Variants in DPP10 observed in about 807,000 individuals in gnomAD.
DPP10 encodes the protein dipeptidyl peptidase like 10, also known as inactive dipeptidyl peptidase 10.
DPP10 carries 33 observed loss-of-function variants against 120.9 expected under a neutral mutation model. The observed-to-expected ratio is 0.27, with a 90% confidence interval of 0.21 to 0.37. The LOEUF is 0.37. DPP10 is among the 10% of genes least tolerant of loss of function. DPP10 has a pLI of 1.00. For missense variants in DPP10, 816 were observed against 942.8 expected (o/e 0.87, Z 1.76); for synonymous variants, 337 against 326.1 (o/e 1.03, Z -0.36).
intron 1 of DPP10, among the ~76,000 whole-genome samples, chr2:115,220,396 T>C (rs978961072): frequency 6.6e-6 from 1 of 151,336 alleles, no homozygotes; most frequent in Non-Finnish European, 1.5e-5. Flanking sequence ...AAAGATACCT[T>C]GAGTTTAATA....
intron 3 of DPP10, among the ~76,000 whole-genome samples, chr2:115,435,290 T>C (rs1262726811): frequency 6.6e-6 from 1 of 151,828 alleles, no homozygotes. Context: ...GCTGTACTAA[T>C]TTACATTCCC....
At chr2:114,661,388 T>C (rs1306577961) in intron 1 of DPP10, among the ~76,000 whole-genome samples, 1 of 152,200 alleles carries the variant, frequency 6.6e-6, no homozygotes, top group Non-Finnish European at 1.5e-5. Context: ...TACATGACAA[T>C]TACTCCACAG....
At chr2:115,472,055 A>C (rs1216286410) in intron 3 of DPP10, among the ~76,000 whole-genome samples, 1 of 152,146 alleles carries the variant, frequency 6.6e-6, no homozygotes, top group Non-Finnish European at 1.5e-5. Context: ...AATTAAAAAA[A>C]TAAAAAAACA....
Position 115,525,954 on chromosome 2 carries a change from G to T in DPP10, c.423G>T (p.Leu141=). ...CACCAGATTTAAAATATGTCCTTCT[G>T]GCATATGATGTCAAACAGGTAAAGG... ...SVSPDLKYVL[L]AYDVKQIFHY... Residue 141 remains leucine (L), a synonymous_variant, in exon 5 of 26, where the codon CTG becomes CTT. Transcript: ENST00000410059. 6.2e-7 allele frequency: 1 copy of T among 1,609,250 alleles called. No homozygotes were observed. Among genetic ancestry groups the T allele is most frequent in the Non-Finnish European group, 8.5e-7 (1 of 1,177,890 alleles).
intron 5 of DPP10, among the ~76,000 whole-genome samples, chr2:115,663,388 T>C (rs2089170055): frequency 6.6e-6 from 1 of 152,188 alleles, no homozygotes; most frequent in Non-Finnish European, 1.5e-5. Context: ...ATTCCATTGT[T>C]TCATGGTATT....
chr2:115,250,501 T>C (rs1004706127), intron 1 of DPP10, among the ~76,000 whole-genome samples: 1 of 152,018 alleles, frequency 6.6e-6, no homozygotes, highest in African/African-American at 2.4e-5. Context: ...GTGGTACATG[T>C]AGGGAATAGG....
chr2:115,772,077 C>T (rs1248414531), intron 13 of DPP10, among the ~76,000 whole-genome samples: 1 of 151,752 alleles, frequency 6.6e-6, no homozygotes, highest in Non-Finnish European at 1.5e-5. Flanking sequence ...GAAAAGAATG[C>T]ATGTGTTTTC....
At chr2:115,090,407 T>C (rs1709145141) in intron 1 of DPP10, among the ~76,000 whole-genome samples, 1 of 152,090 alleles carries the variant, frequency 6.6e-6, no homozygotes, top group African/African-American at 2.4e-5. Flanking sequence ...TTGAAGATGA[T>C]GCTTCAAATA....
intron 1 of DPP10, among the ~76,000 whole-genome samples, chr2:114,530,223 G>A (rs1487511680): frequency 6.6e-6 from 1 of 152,102 alleles, no homozygotes; most frequent in Non-Finnish European, 1.5e-5. Flanking sequence ...ATAAGTTCCA[G>A]TGTGTGTGGA....
intron 1 of DPP10, among the ~76,000 whole-genome samples, chr2:114,466,816 G>A (rs769273906): frequency 2.0e-5 from 3 of 152,128 alleles, no homozygotes; most frequent in Non-Finnish European, 4.4e-5. Context: ...GGCTGAGGTG[G>A]GTGGGTCGCT....
At chr2:114,817,657 A>G (rs1255855996) in intron 1 of DPP10, among the ~76,000 whole-genome samples, 1 of 152,162 alleles carries the variant, frequency 6.6e-6, no homozygotes, top group Admixed American at 6.6e-5. Context: ...TGGTGTATGC[A>G]ATTCATGGGA....
intron 19 of DPP10, among the ~76,000 whole-genome samples, chr2:115,813,330 G>A (rs186089523): frequency 9.2e-5 from 14 of 152,262 alleles, no homozygotes; most frequent in Non-Finnish European, 1.8e-4. Flanking sequence ...GGTTATTTCT[G>A]AGGGCTCTCC....
At chr2:115,005,261 T>C (rs960912417) in intron 1 of DPP10, among the ~76,000 whole-genome samples, 1 of 152,042 alleles carries the variant, frequency 6.6e-6, no homozygotes, top group Non-Finnish European at 1.5e-5. Flanking sequence ...ACCACAAAGA[T>C]GGGGAAAAAA....
Position 114,537,631 on chromosome 2 carries a change from G to A in DPP10, c.60+94793G>A, listed in dbSNP as rs183294976. Among the ~76,000 whole-genome samples, 253 of 152,296 alleles carry A rather than the reference G, an allele frequency of 1.7e-3. 2 individuals are homozygous for A. Among genetic ancestry groups the A allele is most frequent in the Non-Finnish European group, 2.8e-3 (192 of 68,026 alleles). On this transcript the variant is annotated intron_variant, in intron 1 of 25. Transcript: ENST00000410059. ...TTCTCAAAGGCATCTATGGGGCAGA[G>A]TATGCTTTTCAAAGGACATTCACTT...
chr2:115,825,916 A>G (rs573086561), intron 21 of DPP10, among the ~76,000 whole-genome samples: 1 of 152,354 alleles, frequency 6.6e-6, no homozygotes, highest in African/African-American at 2.4e-5. Flanking sequence ...GGCTGGTTTT[A>G]TAGATAGAAA....
chr2:115,747,793 C>T (rs1678183328), intron 10 of DPP10, among the ~76,000 whole-genome samples: 1 of 152,136 alleles, frequency 6.6e-6, no homozygotes, highest in South Asian at 2.1e-4. Context: ...TGGGGTTTCA[C>T]TGTGTTAGCC....
intron 5 of DPP10, among the ~76,000 whole-genome samples, chr2:115,633,298 G>C (rs564997539): frequency 6.6e-6 from 1 of 152,236 alleles, no homozygotes; most frequent in South Asian, 2.1e-4. Context: ...GGATGAAGCT[G>C]GAAACCATCA....
intron 1 of DPP10, among the ~76,000 whole-genome samples, chr2:114,556,264 T>TATATAA (rs1395386493): frequency 7.8e-6 from 1 of 128,970 alleles, no homozygotes; most frequent in Admixed American, 7.7e-5. Flanking sequence ...TATATATATA[T>TATATAA]ATATAGGCAA....
intron 1 of DPP10, among the ~76,000 whole-genome samples, chr2:114,825,300 G>C (rs1277521809): frequency 6.6e-6 from 1 of 152,154 alleles, no homozygotes; most frequent in Non-Finnish European, 1.5e-5. Flanking sequence ...GGAAAGCATT[G>C]GAATCTAGAA....
Sources: gnomAD v4.1 joint callset for allele counts (sites outside exome capture counted in the v4.1 genomes callset) on GRCh38, gnomAD v4.1.1 for gene constraint, MANE v1.5 for transcripts, NCBI Gene and HGNC (gene_info 2026-07-23, HGNC 2026-07-21) for gene names.